Variants in ANKRD6 observed in about 807,000 individuals in gnomAD.
ANKRD6 encodes ankyrin repeat domain 6.
A neutral mutation model predicts 82.3 loss-of-function variants in ANKRD6; 56 were observed. The observed-to-expected ratio is 0.68, with a 90% CI of 0.55 to 0.85. ANKRD6 has a LOEUF of 0.85. Ranked by LOEUF, ANKRD6 falls within the 40% of genes least tolerant of loss-of-function variation. ANKRD6 has a pLI of 0.00. For synonymous variants in ANKRD6, 347 were observed against 352.1 expected, an observed-to-expected ratio of 0.99 and a Z score of 0.16; for missense variants, 852 against 907.6, an observed-to-expected ratio of 0.94 and a Z score of 0.79.
intron 1 of ANKRD6, among the ~76,000 whole-genome samples, chr6:89,554,354 C>A (rs1786277023): frequency 6.6e-6 from 1 of 152,104 alleles, no homozygotes; most frequent in Non-Finnish European, 1.5e-5. Context: ...GCCTCTTTTT[C>A]TTCTGTCTCA....
intron 1 of ANKRD6, among the ~76,000 whole-genome samples, chr6:89,566,246 C>T (rs1583318993): frequency 6.6e-6 from 1 of 152,266 alleles, no homozygotes; most frequent in South Asian, 2.1e-4. Context: ...TGGCCCAGGC[C>T]TGTGCCCAGC....
Position 89,594,299 on chromosome 6 carries a change from GA to G in ANKRD6, c.121-1611del, listed in dbSNP as rs1173209113. On this transcript the variant is annotated intron_variant, in intron 2 of 15. Coordinates refer to ENST00000339746, the MANE Select transcript of ANKRD6 (RefSeq NM_001242809.2). Reference sequence around the variant, plus strand: ...GAAACCCCATCTCTACAAAAAAATAGAAAAAATTGGCTGGGCATGGTGACAC... The same window carrying G: ...GAAACCCCATCTCTACAAAAAAATAGAAAAATTGGCTGGGCATGGTGACAC... 7.2e-5 allele frequency among the ~76,000 whole-genome samples: 11 copies of G among 151,944 alleles called. No homozygotes were observed. In the East Asian group the frequency reaches 2.1e-3, roughly 29 times the overall value.
At chr6:89,606,509 C>T (rs532234716) in intron 5 of ANKRD6, among the ~76,000 whole-genome samples, 8 of 151,984 alleles carry the variant, frequency 5.3e-5, no homozygotes, top group Non-Finnish European at 1.2e-4. Flanking sequence ...AAGTGTGATA[C>T]GAATAGCCAC....
intron 1 of ANKRD6, among the ~76,000 whole-genome samples, chr6:89,545,653 A>C (rs540789059): frequency 6.6e-6 from 1 of 152,186 alleles, no homozygotes; most frequent in Non-Finnish European, 1.5e-5. Flanking sequence ...AAGTTTTTCA[A>C]ACCCCAAAAG....
At chr6:89,564,805 A>G (rs1039590173) in intron 1 of ANKRD6, among the ~76,000 whole-genome samples, 1 of 152,152 alleles carries the variant, frequency 6.6e-6, no homozygotes, top group Non-Finnish European at 1.5e-5. Flanking sequence ...GAAAGGTTCT[A>G]GAATGGAAGG....
chr6:89,614,055 T>C (rs1184556075), intron 7 of ANKRD6, among the ~76,000 whole-genome samples, 165 bp downstream of exon 7: 1 of 152,232 alleles, frequency 6.6e-6, no homozygotes, highest in Non-Finnish European at 1.5e-5. Context: ...TGAGTTCTAG[T>C]GGCCCTGGCT....
chr6:89,530,429 G>A (rs1227464083), intron 1 of ANKRD6, among the ~76,000 whole-genome samples: 6 of 151,710 alleles, frequency 4.0e-5, no homozygotes, highest in African/African-American at 7.3e-5. Flanking sequence ...AGAGTGAAGC[G>A]CCGTAAAATG....
intron 2 of ANKRD6, among the ~76,000 whole-genome samples, chr6:89,579,213 C>T (rs920720721): frequency 2.6e-5 from 4 of 152,210 alleles, no homozygotes; most frequent in African/African-American, 9.6e-5. Flanking sequence ...ATATCATCAC[C>T]TCTAAAATGA....
intron 1 of ANKRD6, among the ~76,000 whole-genome samples, chr6:89,537,147 C>T (rs936040126): frequency 1.3e-5 from 2 of 152,032 alleles, no homozygotes; most frequent in African/African-American, 4.8e-5. Flanking sequence ...AGGAGAGAAT[C>T]AAGATAAGAT....
intron 4 of ANKRD6, among the ~76,000 whole-genome samples, chr6:89,604,046 G>A (rs944498389): frequency 6.6e-6 from 1 of 152,170 alleles, no homozygotes; most frequent in Non-Finnish European, 1.5e-5. Context: ...AGCAAAATTG[G>A]CCAGGCGCAG....
intron 1 of ANKRD6, among the ~76,000 whole-genome samples, chr6:89,514,732 G>A (rs1781007542): frequency 6.6e-6 from 1 of 152,102 alleles, no homozygotes; most frequent in Non-Finnish European, 1.5e-5. Context: ...ACCTAGAATT[G>A]GAATTGTTTG....
intron 1 of ANKRD6, among the ~76,000 whole-genome samples, chr6:89,488,723 A>C (rs1305169844): frequency 1.3e-5 from 2 of 152,336 alleles, no homozygotes; most frequent in East Asian, 3.9e-4. Context: ...TTTTGATTGA[A>C]TACTTGACTC....
chr6:89,550,639 T>A (rs1785704366), intron 1 of ANKRD6, among the ~76,000 whole-genome samples: 6 of 152,254 alleles, frequency 3.9e-5, no homozygotes, highest in Admixed American at 3.9e-4. Context: ...AAGTGTACAC[T>A]TTTCTATATA....
intron 1 of ANKRD6, among the ~76,000 whole-genome samples, chr6:89,555,175 C>G (rs1356465158): frequency 6.9e-6 from 1 of 144,826 alleles, no homozygotes. Context: ...TATTCTATCT[C>G]AACTCTCCCG....
intron 1 of ANKRD6, among the ~76,000 whole-genome samples, chr6:89,443,715 T>A (rs190462834): frequency 1.3e-5 from 2 of 152,252 alleles, no homozygotes; most frequent in Non-Finnish European, 2.9e-5. Flanking sequence ...TGAGCCCTTA[T>A]GGCAATTTGT....
At chr6:89,562,507 C>T (rs1459260399) in intron 1 of ANKRD6, 1 of 152,240 alleles carries the variant, frequency 6.6e-6, no homozygotes, top group East Asian at 1.9e-4. Context: ...AACTTCGTTT[C>T]TCTGTCATCT....
At chr6:89,525,918 A>T (rs528313685) in intron 1 of ANKRD6, among the ~76,000 whole-genome samples, 3 of 152,218 alleles carry the variant, frequency 2.0e-5, no homozygotes, top group African/African-American at 7.2e-5. Flanking sequence ...TCTCTGTCCA[A>T]TTGGAGTTGT....
intron 14 of ANKRD6, 142 bp downstream of exon 14, chr6:89,627,838 T>G: frequency 1.5e-6 from 1 of 656,764 alleles, no homozygotes; most frequent in East Asian, 2.8e-5. Context: ...TTTATGATAC[T>G]GAAATGAGGT....
chr6:89,629,395 C>T (rs1001548779), intron 15 of ANKRD6, 157 bp downstream of exon 15: 46 of 1,004,170 alleles, frequency 4.6e-5, no homozygotes, highest in Admixed American at 2.2e-4. Context: ...TTGCTCGTAA[C>T]CATATACTCA....
Sources: gnomAD v4.1 joint callset for allele counts (sites outside exome capture counted in the v4.1 genomes callset) on GRCh38, gnomAD v4.1.1 for gene constraint, MANE v1.5 for transcripts, NCBI Gene and HGNC (gene_info 2026-07-23, HGNC 2026-07-21) for gene names.